COL25A1: variants seen among roughly 807,000 people sequenced by gnomAD.
COL25A1 encodes the protein collagen type XXV alpha 1 chain, also known as collagen alpha-1(XXV) chain.
A neutral mutation model predicts 128.4 loss-of-function variants in COL25A1; 103 were observed. The ratio of observed to expected loss-of-function variants is 0.80; its 90% CI spans 0.68 to 0.94. COL25A1 has a LOEUF of 0.94. Among genes scored for constraint, COL25A1 ranks in the 40% least tolerant of loss-of-function variants. The pLI, the probability that COL25A1 is intolerant of heterozygous loss-of-function variation, is 0.00. For missense variants in COL25A1, 745 were observed against 840.0 expected, an observed-to-expected ratio of 0.89 and a Z score of 1.40; for synonymous variants, 279 against 277.2, an observed-to-expected ratio of 1.01 and a Z score of -0.06.
intron 3 of COL25A1, among the ~76,000 whole-genome samples, chr4:109,211,277 T>C (rs1777502703): frequency 7.9e-6 from 1 of 127,270 alleles, no homozygotes. Flanking sequence ...TATGAAACTA[T>C]ATATATATGA....
chr4:109,250,916 A>G (rs1780603626), intron 3 of COL25A1, among the ~76,000 whole-genome samples: 2 of 152,332 alleles, frequency 1.3e-5, no homozygotes. Flanking sequence ...TAACAAGGTT[A>G]TAACTCTGCC....
intron 19 of COL25A1, among the ~76,000 whole-genome samples, chr4:108,872,308 T>G (rs1429189917): frequency 1.3e-5 from 2 of 152,040 alleles, no homozygotes; most frequent in Non-Finnish European, 2.9e-5. Flanking sequence ...TCCAGCTACT[T>G]GGGAGGCTGA....
intron 27 of COL25A1, among the ~76,000 whole-genome samples, chr4:108,848,277 C>T (rs1046447002): frequency 6.6e-6 from 1 of 152,206 alleles, no homozygotes; most frequent in Non-Finnish European, 1.5e-5. Context: ...AGATACACTA[C>T]CATACTCTGT....
intron 16 of COL25A1, among the ~76,000 whole-genome samples, 193 bp from the exon 17 acceptor site, chr4:108,889,926 T>C (rs967972582): frequency 1.3e-5 from 2 of 152,208 alleles, no homozygotes; most frequent in African/African-American, 4.8e-5. Context: ...TGTACCAATA[T>C]CTCAGCTGTT....
At chr4:108,969,510 T>A (rs752220718) in intron 8 of COL25A1, among the ~76,000 whole-genome samples, 1 of 152,248 alleles carries the variant, frequency 6.6e-6, no homozygotes, top group Non-Finnish European at 1.5e-5. Context: ...AAACTTCTTT[T>A]TATGTGAGAA....
chr4:108,813,733 C>T lies in COL25A1; in HGVS notation c.*194G>A. The T allele has an allele frequency of 1.8e-6, 1 of 540,658 alleles. No homozygotes were observed. 33.5% of individuals were successfully genotyped at this position (540,658 alleles called of 1,614,324 possible). ...ACTGATCTATATTTTTTGCAGGATT[C>T]TCACTGGTTTCACAAATTGCCCAAT... is the stretch of plus-strand genomic sequence containing the variant. On this transcript the variant is annotated 3_prime_UTR_variant, in exon 38 of 38. Transcript: ENST00000399132.
intron 3 of COL25A1, among the ~76,000 whole-genome samples, chr4:109,174,306 G>C (rs1578355669): frequency 6.6e-6 from 1 of 152,020 alleles, no homozygotes; most frequent in East Asian, 1.9e-4. Context: ...GGCCTCAAAT[G>C]GCCAAACTGA....
At chr4:109,284,380 G>A (rs896757052) in intron 3 of COL25A1, among the ~76,000 whole-genome samples, 1 of 152,164 alleles carries the variant, frequency 6.6e-6, no homozygotes, top group African/African-American at 2.4e-5. Flanking sequence ...AGCCAAGATC[G>A]CACCAGTGTA....
chr4:109,248,476 G>A (rs950983295), intron 3 of COL25A1, among the ~76,000 whole-genome samples: 2 of 152,136 alleles, frequency 1.3e-5, no homozygotes, highest in Non-Finnish European at 2.9e-5. Context: ...GGAATCCAGA[G>A]CGACATTGTA....
Position 108,813,099 on chromosome 4 carries a change from G to A in COL25A1, c.*828C>T, listed in dbSNP as rs2125699925. On this transcript the variant is annotated 3_prime_UTR_variant, in exon 38 of 38. Coordinates refer to ENST00000399132, the MANE Select transcript of COL25A1 (RefSeq NM_198721.4). Reference sequence around the variant, plus strand: ...CACATGAGAGGCAGTGCTGGAGGCTGAATCGGTCCTCTTCCCATGTCTTCA... The same window carrying A: ...CACATGAGAGGCAGTGCTGGAGGCTAAATCGGTCCTCTTCCCATGTCTTCA... 6.6e-6 allele frequency: 1 copy of A among 152,386 alleles called. No homozygotes were observed. The highest frequency in any genetic ancestry group is 2.1e-4 in the South Asian group (1 of 4,828). 9.4% of individuals were successfully genotyped at this position (152,386 alleles called of 1,614,324 possible). A position where few individuals can be genotyped will look rare whatever the true frequency, so the allele number is the denominator to read the frequency against.
chr4:109,300,979 T>C (rs1180539577), intron 2 of COL25A1, among the ~76,000 whole-genome samples: 1 of 152,218 alleles, frequency 6.6e-6, no homozygotes, highest in Non-Finnish European at 1.5e-5. Context: ...AAGCTGTGGC[T>C]TACCAATAAC....
chr4:108,901,753 C>A (rs1225040755), intron 13 of COL25A1, among the ~76,000 whole-genome samples: 1 of 152,048 alleles, frequency 6.6e-6, no homozygotes, highest in Non-Finnish European at 1.5e-5. Context: ...ACTTATGGAT[C>A]TCATTGCCAT....
At chr4:108,910,588 C>T (rs1490878561) in intron 13 of COL25A1, among the ~76,000 whole-genome samples, 1 of 152,168 alleles carries the variant, frequency 6.6e-6, no homozygotes, top group East Asian at 1.9e-4. Context: ...CTAGGGTTTT[C>T]TGAATTTAAA....
chr4:108,881,806 T>C (rs952227099), intron 19 of COL25A1, among the ~76,000 whole-genome samples: 7 of 152,154 alleles, frequency 4.6e-5, no homozygotes, highest in Non-Finnish European at 8.8e-5. Flanking sequence ...CTGACTACAT[T>C]ATAAGGAAAG....
intron 8 of COL25A1, among the ~76,000 whole-genome samples, chr4:108,953,821 C>A (rs1749745713): frequency 1.3e-5 from 2 of 152,188 alleles, no homozygotes; most frequent in South Asian, 4.1e-4. Flanking sequence ...TCACAAATCA[C>A]CAGTTAAAGA....
intron 20 of COL25A1, among the ~76,000 whole-genome samples, chr4:108,864,212 A>G (rs1737607471): frequency 6.6e-6 from 1 of 152,226 alleles, no homozygotes; most frequent in African/African-American, 2.4e-5. Context: ...GGTAAATAGA[A>G]AGACCTTTAA....
At chr4:109,300,833 G>A (rs1725444804) in intron 2 of COL25A1, among the ~76,000 whole-genome samples, 181 bp from the exon 3 acceptor site, 1 of 152,120 alleles carries the variant, frequency 6.6e-6, no homozygotes, top group Admixed American at 6.5e-5. Flanking sequence ...AAAAGAAAAT[G>A]ACCACTGATA....
At chr4:108,948,459 T>G (rs1473333420) in intron 8 of COL25A1, among the ~76,000 whole-genome samples, 1 of 152,130 alleles carries the variant, frequency 6.6e-6, no homozygotes, top group African/African-American at 2.4e-5. Flanking sequence ...CTCAAAAAGT[T>G]ACTATTTTTC....
intron 8 of COL25A1, among the ~76,000 whole-genome samples, chr4:108,955,472 T>C (rs1749966132): frequency 6.6e-6 from 1 of 152,158 alleles, no homozygotes; most frequent in South Asian, 2.1e-4. Context: ...GGCCTAATAA[T>C]TCACAAATTG....
Sources: gnomAD v4.1 joint callset for allele counts (sites outside exome capture counted in the v4.1 genomes callset) on GRCh38, gnomAD v4.1.1 for gene constraint, MANE v1.5 for transcripts, NCBI Gene and HGNC (gene_info 2026-07-23, HGNC 2026-07-21) for gene names.